Variants in ANXA6 observed in about 807,000 individuals in gnomAD.
ANXA6 encodes 67 kDa calelectrin.
ANXA6 carries 71 observed loss-of-function variants against 95.4 expected under a neutral mutation model. The ratio of observed to expected loss-of-function variants is 0.74; its 90% confidence interval spans 0.61 to 0.91. The LOEUF is 0.91. Ranked by LOEUF, ANXA6 falls within the 40% of genes least tolerant of loss-of-function variation. ANXA6 has a pLI of 0.00. For missense variants in ANXA6, 830 were observed against 876.4 expected (o/e 0.95, Z 0.67); for synonymous variants, 289 against 315.9 (o/e 0.91, Z 0.90).
At chr5:151,125,576 T>C (rs1267760372) in intron 14 of ANXA6, among the ~76,000 whole-genome samples, 2 of 152,170 alleles carry the variant, frequency 1.3e-5, no homozygotes, top group Admixed American at 1.3e-4. Context: ...TCAGCAAGTG[T>C]TGCAGAGACG....
rs141663576 is a variant in ANXA6, at chr5:151,134,618, G to A, written c.490-135C>T. 162 of 833,962 alleles carry A rather than the reference G, an allele frequency of 1.9e-4. No individual in the cohort carries two copies. The East Asian group carries it at 3.8e-3, about 20-fold the overall frequency. 51.7% of individuals were successfully genotyped at this position (833,962 alleles called of 1,614,324 possible). A position where few individuals can be genotyped will look rare whatever the true frequency, so the allele number is the denominator to read the frequency against. ...GTGTCCAGAAGCAGTGACTGCTATT[G>A]CATGAAGACCACAGTATCTATTTTG... On this transcript the variant is annotated intron_variant, in intron 7 of 25. Coordinates refer to ENST00000354546, the MANE Select transcript of ANXA6 (RefSeq NM_001155.5).
chr5:151,122,078 G>A, intron 17 of ANXA6, 69 bp downstream of exon 17: 1 of 946,312 alleles, frequency 1.1e-6, no homozygotes, highest in Non-Finnish European at 1.5e-6. Context: ...AATCCACCTG[G>A]GCTTATGAGG....
chr5:151,147,520 C>A (rs1330693267), intron 2 of ANXA6, among the ~76,000 whole-genome samples: 1 of 152,176 alleles, frequency 6.6e-6, no homozygotes, highest in Non-Finnish European at 1.5e-5. Flanking sequence ...GACTACCATG[C>A]CAATGCAAGG....
chr5:151,102,935 T>C (rs1243284351), intron 25 of ANXA6, among the ~76,000 whole-genome samples: 1 of 152,208 alleles, frequency 6.6e-6, no homozygotes, highest in Non-Finnish European at 1.5e-5. Flanking sequence ...GTAAATTTAC[T>C]AAAAACTGTT....
chr5:151,101,445 GC>G lies in ANXA6; in HGVS notation c.*2del. On this transcript the variant is annotated 3_prime_UTR_variant, in exon 26 of 26. Transcript: ENST00000354546. ...GGCAGAAGTGCCCGCCAAAGCTGTG[GC>G]CCTAGTCCTCACCACCACAGAGAGC... The G allele has an allele frequency of 1.3e-6, 2 of 1,556,544 alleles. No individual in the cohort carries two copies. Among genetic ancestry groups the G allele is most frequent in the Non-Finnish European group, 1.7e-6 (2 of 1,150,132 alleles).
intron 20 of ANXA6, among the ~76,000 whole-genome samples, chr5:151,116,853 C>T (rs1475130159): frequency 1.3e-5 from 2 of 152,224 alleles, no homozygotes; most frequent in Non-Finnish European, 2.9e-5. Flanking sequence ...TTCTGGACCT[C>T]CATTTTCCCA....
At position 151,103,707 on chromosome 5, in the gene ANXA6, C is replaced by T; in HGVS notation, c.1840-15G>A. ...GTGCCAGCACCCTGGTGGAGCCAGG[C>T]AGGAGGGAGACACAGGCGGAAGGAG... On this transcript the variant is annotated splice_polypyrimidine_tract_variant and intron_variant, in intron 24 of 25. Transcript: ENST00000354546. The T allele has an allele frequency of 6.2e-7, 1 of 1,602,770 alleles. No individual in the cohort carries two copies. The highest frequency in any genetic ancestry group is 2.3e-5 in the East Asian group (1 of 44,224).
chr5:151,104,426 G>A (rs556881089), intron 24 of ANXA6, among the ~76,000 whole-genome samples: 14 of 152,356 alleles, frequency 9.2e-5, no homozygotes, highest in African/African-American at 2.9e-4. Context: ...TCGAGTCCCA[G>A]CTCTGCCTCT....
chr5:151,137,802 G>A (rs61213953), intron 5 of ANXA6, among the ~76,000 whole-genome samples: 165 of 152,284 alleles, frequency 1.1e-3, no homozygotes, highest in African/African-American at 3.8e-3. Context: ...AATGCTTCCT[G>A]TTCAGCCTGC....
intron 5 of ANXA6, 68 bp downstream of exon 5, chr5:151,138,610 G>T: frequency 8.5e-7 from 1 of 1,174,248 alleles, no homozygotes; most frequent in Non-Finnish European, 1.3e-6. Flanking sequence ...AGTTGCTTTT[G>T]GAAGAGCCCA....
At chr5:151,144,117 C>T (rs947820699) in intron 2 of ANXA6, among the ~76,000 whole-genome samples, 1 of 152,166 alleles carries the variant, frequency 6.6e-6, no homozygotes, top group African/African-American at 2.4e-5. Context: ...AAGGGCAGCT[C>T]TAGCCCTGCT....
chr5:151,137,189 T>C (rs1765687586), intron 6 of ANXA6, 42 bp downstream of exon 6: 1 of 1,537,832 alleles, frequency 6.5e-7, no homozygotes, highest in Admixed American at 1.7e-5. Flanking sequence ...CATCCTCATT[T>C]TGTATCTGAA....
At chr5:151,106,006 C>G (rs1169108868) in intron 23 of ANXA6, among the ~76,000 whole-genome samples, 2 of 152,188 alleles carry the variant, frequency 1.3e-5, no homozygotes, top group Admixed American at 6.5e-5. Context: ...TACTCTGGTG[C>G]AGCCTAATGC....
At chr5:151,104,122 G>C (rs369213644) in intron 24 of ANXA6, among the ~76,000 whole-genome samples, 4 of 152,334 alleles carry the variant, frequency 2.6e-5, no homozygotes, top group Admixed American at 6.5e-5. Flanking sequence ...TCACAGCCAG[G>C]AAACACCAAG....
In ANXA6 at chr5:151,134,321, T is replaced by C. The variant is rs905378540; in HGVS notation, c.546+106A>G. ...ACAGCTGTGGCTGGGTTATTTCTGG[T>C]ATTTGATGCAAATGACTTCACCTCC... On this transcript the variant is annotated intron_variant, in intron 8 of 25. Coordinates refer to ENST00000354546, the MANE Select transcript of ANXA6 (RefSeq NM_001155.5). 24 of 1,060,800 alleles carry C rather than the reference T, an allele frequency of 2.3e-5. No homozygotes were observed. The African/African-American group carries it at 3.7e-4, about 17-fold the overall frequency. The allele number at this position is 1,060,800 out of a possible 1,614,324, so 65.7% of individuals were successfully genotyped here. A position where few individuals can be genotyped will look rare whatever the true frequency, so the allele number is the denominator to read the frequency against.
intron 1 of ANXA6, among the ~76,000 whole-genome samples, chr5:151,150,502 CTG>C (rs1357644783): frequency 6.6e-6 from 1 of 152,224 alleles, no homozygotes; most frequent in African/African-American, 2.4e-5. Flanking sequence ...GTGTTTGCCT[CTG>C]TGTCTTCACT....
intron 2 of ANXA6, among the ~76,000 whole-genome samples, chr5:151,142,481 CAA>C (rs35440128): frequency 1.3e-4 from 17 of 132,910 alleles, no homozygotes; most frequent in East Asian, 2.2e-4. Flanking sequence ...GACTCTGTCT[CAA>C]AAAAAAAAAA....
chr5:151,103,746 T>C, intron 24 of ANXA6, 54 bp from the exon 25 acceptor site: 1 of 1,560,310 alleles, frequency 6.4e-7, no homozygotes. Flanking sequence ...TAGAGCCCAG[T>C]CAGGCAAGAA....
chr5:151,118,871 T>C (rs1765082897), intron 18 of ANXA6, among the ~76,000 whole-genome samples: 1 of 152,150 alleles, frequency 6.6e-6, no homozygotes, highest in Non-Finnish European at 1.5e-5. Context: ...CCTAGCCGAT[T>C]TAAACATTTT....
Sources: allele counts gnomAD v4.1 joint callset (sites outside exome capture counted in the v4.1 genomes callset), GRCh38; gene constraint gnomAD v4.1.1; transcripts MANE v1.5; gene names NCBI Gene and HGNC (gene_info 2026-07-23, HGNC 2026-07-21).